ALMS1: variants seen among roughly 807,000 people sequenced by gnomAD.
ALMS1 encodes the protein ALMS1 centrosome and basal body associated protein.
Under a neutral mutation model 352.2 loss-of-function variants are expected in ALMS1, and 271 were observed. That is an observed-to-expected ratio of 0.77 (90% confidence interval 0.70 to 0.85). ALMS1 has a LOEUF of 0.85. Ranked by LOEUF, ALMS1 falls within the 40% of genes least tolerant of loss-of-function variation. ALMS1 has a pLI of 0.00. For missense variants in ALMS1, 5,445 were observed against 4,870.7 expected, an observed-to-expected ratio of 1.12 and a Z score of -3.51; for synonymous variants, 1,865 against 1,761.2, an observed-to-expected ratio of 1.06 and a Z score of -1.48.
At chr2:73,529,276 T>G (rs1673858844) in intron 11 of ALMS1, among the ~76,000 whole-genome samples, 2 of 152,130 alleles carry the variant, frequency 1.3e-5, no homozygotes, top group African/African-American at 4.8e-5. Context: ...ACTCCCGACC[T>G]CAGGTGATCT....
chr2:73,564,090 G>A, intron 15 of ALMS1, among the ~76,000 whole-genome samples: 1 of 150,258 alleles, frequency 6.7e-6, no homozygotes. Flanking sequence ...GCCTATATGG[G>A]TTAAACTTAA....
chr2:73,598,582 C>T (rs1675602904), intron 16 of ALMS1, among the ~76,000 whole-genome samples: 2 of 152,108 alleles, frequency 1.3e-5, no homozygotes, highest in African/African-American at 4.8e-5. Flanking sequence ...GTTTCCTATC[C>T]TTACCCTGGC....
intron 12 of ALMS1, among the ~76,000 whole-genome samples, chr2:73,549,477 A>G (rs955774512): frequency 6.6e-6 from 1 of 152,150 alleles, no homozygotes; most frequent in Non-Finnish European, 1.5e-5. Flanking sequence ...CCAAACAACT[A>G]TTTTTTAATA....
At position 73,590,904 on chromosome 2, in the gene ALMS1, C is replaced by G. The variant is rs1675419748; in HGVS notation, c.11548-8497C>G. Reference sequence around the variant, plus strand: ...CCATGTTGGTCAGGCTGGTCTGAAACTCCTGACCTTGTGATCTGCCCACAG... The same window carrying G: ...CCATGTTGGTCAGGCTGGTCTGAAAGTCCTGACCTTGTGATCTGCCCACAG... On this transcript the variant is annotated intron_variant, in intron 16 of 22. Coordinates refer to ENST00000613296, the MANE Select transcript of ALMS1 (RefSeq NM_001378454.1). Among the ~76,000 whole-genome samples the G allele has an allele frequency of 2.0e-5, 3 of 152,014 alleles. No homozygotes were observed. The South Asian group carries it at 6.2e-4, about 32-fold the overall frequency.
intron 19 of ALMS1, among the ~76,000 whole-genome samples, chr2:73,601,644 A>T (rs1675691817): frequency 6.6e-6 from 1 of 152,216 alleles, no homozygotes; most frequent in African/African-American, 2.4e-5. Flanking sequence ...TAGATGGTGC[A>T]TCACCGTCGG....
chr2:73,386,325 C>A, intron 1 of ALMS1, 133 bp downstream of exon 1: 1 of 1,265,712 alleles, frequency 7.9e-7, no homozygotes, highest in Non-Finnish European at 1.0e-6. Context: ...GTAGGCGGCC[C>A]AGACTCCAGC....
Position 73,490,389 on chromosome 2 carries a change from A to T in ALMS1, c.8430A>T (p.Lys2810Asn), listed in dbSNP as rs1483404753. 1 of 1,613,502 alleles carries T rather than the reference A, an allele frequency of 6.2e-7. No homozygotes were observed. The highest frequency in any genetic ancestry group is 8.5e-7 in the Non-Finnish European group (1 of 1,179,884). ...VDFERSFQEEKPLERSDFTGS... is the reference protein window; with the variant it reads ...VDFERSFQEENPLERSDFTGS... ...TTGAGCGTTCTTTTCAAGAAGAAAAACCCTTAGAAAGATCAGATTTTACAG... is the reference window on the plus strand; with the variant it reads ...TTGAGCGTTCTTTTCAAGAAGAAAATCCCTTAGAAAGATCAGATTTTACAG... Residue 2810 changes from lysine (K) to asparagine (N), a missense_variant, in exon 10 of 23, where the codon AAA becomes AAT. Transcript: ENST00000613296.
intron 9 of ALMS1, among the ~76,000 whole-genome samples, chr2:73,461,546 C>T (rs372972922): frequency 1.3e-5 from 2 of 152,150 alleles, no homozygotes; most frequent in East Asian, 1.9e-4. Flanking sequence ...AAAAGCAGAG[C>T]GCCTCTCCTC....
chr2:73,445,816 G>A (rs899963031), intron 7 of ALMS1, among the ~76,000 whole-genome samples: 2 of 151,942 alleles, frequency 1.3e-5, no homozygotes, highest in South Asian at 2.1e-4. Flanking sequence ...CTTCTTGGTC[G>A]AAACTTACCT....
At chr2:73,432,073 T>G in intron 6 of ALMS1, 125 bp from the exon 7 acceptor site, 1 of 708,812 alleles carries the variant, frequency 1.4e-6, no homozygotes. Context: ...AATGAAGGAT[T>G]ATTTTTAGCA....
intron 15 of ALMS1, among the ~76,000 whole-genome samples, chr2:73,566,415 A>G (rs1222641060): frequency 1.3e-5 from 2 of 152,174 alleles, no homozygotes; most frequent in Non-Finnish European, 2.9e-5. Flanking sequence ...GGTAGTGTAA[A>G]TGTACGGACA....
At chr2:73,473,973 AAT>A (rs1488098063) in intron 9 of ALMS1, among the ~76,000 whole-genome samples, 2 of 151,990 alleles carry the variant, frequency 1.3e-5, no homozygotes, top group African/African-American at 4.8e-5. Context: ...TATTTGAAGA[AAT>A]AATGGTTGAA....
At chr2:73,478,568 AAAC>A (rs1348669960) in intron 9 of ALMS1, among the ~76,000 whole-genome samples, 2 of 152,212 alleles carry the variant, frequency 1.3e-5, no homozygotes, top group Admixed American at 6.5e-5. Flanking sequence ...CACAGAATAA[AAAC>A]AACATTTTTT....
intron 9 of ALMS1, among the ~76,000 whole-genome samples, chr2:73,489,106 C>T (rs947410639): frequency 6.6e-6 from 1 of 152,136 alleles, no homozygotes; most frequent in African/African-American, 2.4e-5. Flanking sequence ...CATGCATTAC[C>T]ATTTTCAGGA....
In ALMS1 at chr2:73,572,688, AGTATC is replaced by A; in HGVS notation, c.10813_10817del (p.Tyr3605GlyfsTer10). 1 of 1,614,080 alleles carries A rather than the reference AGTATC, an allele frequency of 6.2e-7. No individual in the cohort carries two copies. The highest frequency in any genetic ancestry group is 8.5e-7 in the Non-Finnish European group (1 of 1,179,992). On this transcript the variant is annotated frameshift_variant, in exon 16 of 23. Coordinates refer to ENST00000613296, the MANE Select transcript of ALMS1 (RefSeq NM_001378454.1). LOFTEE classifies it high-confidence loss of function. ...GTGAGTTTGAATGAACTGTGGAACA[AGTATC>A]GGGAGCGACAGAGGCAACAGAGACA...
At chr2:73,433,469 G>A (rs555153242) in intron 7 of ALMS1, among the ~76,000 whole-genome samples, 4 of 152,300 alleles carry the variant, frequency 2.6e-5, no homozygotes, top group African/African-American at 7.2e-5. Context: ...GTTACTGAGA[G>A]CACTAGAAGA....
chr2:73,483,346 G>T (rs1436043089), intron 9 of ALMS1, among the ~76,000 whole-genome samples: 2 of 151,448 alleles, frequency 1.3e-5, no homozygotes, highest in Admixed American at 1.3e-4. Context: ...TAGTCATTCA[G>T]GAGCAGGTTG....
chr2:73,455,022 G>A (rs1441861458), intron 8 of ALMS1, 140 bp from the exon 9 acceptor site: 1 of 955,052 alleles, frequency 1.0e-6, no homozygotes, highest in Non-Finnish European at 1.6e-6. Flanking sequence ...ATTTCTAATA[G>A]GTTGTCATAA....
intron 11 of ALMS1, among the ~76,000 whole-genome samples, chr2:73,531,639 C>T (rs928926301): frequency 3.3e-5 from 5 of 152,230 alleles, no homozygotes; most frequent in African/African-American, 9.6e-5. Flanking sequence ...TATAGCAGTG[C>T]CCCACTTCTG....
Sources: allele counts gnomAD v4.1 joint callset (sites outside exome capture counted in the v4.1 genomes callset), GRCh38; gene constraint gnomAD v4.1.1; transcripts MANE v1.5; gene names NCBI Gene and HGNC (gene_info 2026-07-23, HGNC 2026-07-21).